Variants in MUSK observed in about 807,000 individuals in gnomAD.
The protein encoded by MUSK is muscle, skeletal receptor tyrosine-protein kinase.
Under a neutral mutation model 88.7 loss-of-function variants are expected in MUSK, and 55 were observed. The observed-to-expected ratio is 0.62, with a 90% CI of 0.50 to 0.78. MUSK has a LOEUF of 0.78. MUSK is among the 30% of genes least tolerant of loss of function. The probability of loss-of-function intolerance (pLI) is 0.00; values close to 1 mark genes in which losing one functional copy is unlikely to be tolerated. For synonymous variants in MUSK, 387 were observed against 391.9 expected (o/e 0.99, Z 0.15); for missense variants, 1,015 against 1,074.3 (o/e 0.94, Z 0.77).
chr9:110,770,134 T>C (rs1211808517), intron 9 of MUSK, among the ~76,000 whole-genome samples: 4 of 151,774 alleles, frequency 2.6e-5, no homozygotes, highest in Non-Finnish European at 5.9e-5. Flanking sequence ...TTAATTACTG[T>C]CTTTATAATT....
intron 3 of MUSK, among the ~76,000 whole-genome samples, chr9:110,689,561 T>TTATATA (rs1564217404): frequency 3.9e-4 from 22 of 55,850 alleles, no homozygotes; most frequent in African/African-American, 2.1e-3. Context: ...ATTTATATAT[T>TTATATA]ATATATATTT....
chr9:110,741,643 T>C (rs2077100187), intron 6 of MUSK, among the ~76,000 whole-genome samples: 1 of 152,230 alleles, frequency 6.6e-6, no homozygotes, highest in Non-Finnish European at 1.5e-5. Context: ...TCACTATTGT[T>C]TTCGCTGAAG....
At chr9:110,730,008 A>T (rs2076942758) in intron 5 of MUSK, among the ~76,000 whole-genome samples, 1 of 152,186 alleles carries the variant, frequency 6.6e-6, no homozygotes, top group Admixed American at 6.5e-5. Flanking sequence ...ACATATCTGA[A>T]AGTGCTTTGA....
rs1203398580 is a variant in MUSK, at chr9:110,681,056, ATT to A, written c.80-1617_80-1616del. Among the ~76,000 whole-genome samples, 6 of 25,376 alleles carry A rather than the reference ATT, an allele frequency of 2.4e-4. 1 individual carries two copies. In the East Asian group the frequency reaches 3.7e-3, roughly 16 times the overall value. 16.6% of individuals were successfully genotyped at this position (25,376 alleles called of 152,430 possible). A position where few individuals can be genotyped will look rare whatever the true frequency, so the allele number is the denominator to read the frequency against. Reference sequence around the variant, plus strand: ...ATATATTATATAATATATATTATATATTATATATATAATATTATATATATTAT... The same window carrying A: ...ATATATTATATAATATATATTATATAATATATATAATATTATATATATTAT... On this transcript the variant is annotated intron_variant, in intron 1 of 14. Transcript: ENST00000374448.
chr9:110,787,938 T>A, intron 14 of MUSK, 100 bp downstream of exon 14: 1 of 1,345,862 alleles, frequency 7.4e-7, no homozygotes, highest in Non-Finnish European at 1.0e-6. Context: ...CCTTGATCAG[T>A]GAGACGTTTC....
At chr9:110,724,736 A>G (rs571004827) in intron 5 of MUSK, among the ~76,000 whole-genome samples, 25 of 152,100 alleles carry the variant, frequency 1.6e-4, no homozygotes, top group African/African-American at 5.8e-4. Flanking sequence ...GTAGCAAAAA[A>G]TTATATCTTC....
In MUSK at chr9:110,690,031, A is replaced by G. The variant is rs572936148; in HGVS notation, c.358+2763A>G. The stretch of plus-strand genomic sequence containing the variant: ...TATAAATATATAATATATATTATAT[A>G]TTAATATAAGTATAAATATATAAAT... On this transcript the variant is annotated intron_variant, in intron 3 of 14. Transcript: ENST00000374448. Among the ~76,000 whole-genome samples the G allele has an allele frequency of 8.2e-3, 776 of 94,822 alleles. 10 individuals are homozygous for G. The highest frequency in any genetic ancestry group is 0.041 in the Middle Eastern group (3 of 74). 62.2% of individuals were successfully genotyped at this position (94,822 alleles called of 152,430 possible).
chr9:110,731,022 T>C (rs1057247027), intron 5 of MUSK, among the ~76,000 whole-genome samples: 3 of 152,104 alleles, frequency 2.0e-5, no homozygotes, highest in African/African-American at 7.2e-5. Context: ...TAGCTCAGAA[T>C]AGGATTGAGA....
At chr9:110,670,462 C>T (rs942701121) in intron 1 of MUSK, among the ~76,000 whole-genome samples, 1 of 152,056 alleles carries the variant, frequency 6.6e-6, no homozygotes, top group Non-Finnish European at 1.5e-5. Context: ...TTTGATGATT[C>T]AAATAAGGAT....
At chr9:110,718,254 T>C (rs779300425) in intron 5 of MUSK, among the ~76,000 whole-genome samples, 21 of 151,838 alleles carry the variant, frequency 1.4e-4, no homozygotes, top group Admixed American at 2.6e-4. Flanking sequence ...CAAGGAGGAG[T>C]TAGTAATGTT....
chr9:110,725,670 A>G (rs1285627525), intron 5 of MUSK, among the ~76,000 whole-genome samples: 13 of 152,020 alleles, frequency 8.6e-5, no homozygotes, highest in Admixed American at 7.2e-4. Flanking sequence ...TCTTCTTTCT[A>G]CAAGAGACTG....
chr9:110,714,800 A>AT (rs2076724416), intron 5 of MUSK, among the ~76,000 whole-genome samples: 1 of 152,160 alleles, frequency 6.6e-6, no homozygotes. Context: ...AATTTAACCC[A>AT]TTTTGTTCTT....
chr9:110,763,563 T>G (rs1217531608), intron 8 of MUSK, among the ~76,000 whole-genome samples: 1 of 152,128 alleles, frequency 6.6e-6, no homozygotes, highest in Non-Finnish European at 1.5e-5. Context: ...ACAGTTCCCG[T>G]TTGCTTTGAA....
chr9:110,767,544 A>G (rs574216860), intron 8 of MUSK, among the ~76,000 whole-genome samples: 1 of 152,328 alleles, frequency 6.6e-6, no homozygotes, highest in South Asian at 2.1e-4. Flanking sequence ...TAAAATATTA[A>G]AAATACCCAA....
intron 13 of MUSK, among the ~76,000 whole-genome samples, chr9:110,786,707 C>T (rs1178406093): frequency 6.6e-6 from 1 of 151,980 alleles, no homozygotes; most frequent in Admixed American, 6.5e-5. Flanking sequence ...AAAAAATGAG[C>T]TCAAGAAAGG....
At chr9:110,689,693 T>TTA (rs1231193969) in intron 3 of MUSK, among the ~76,000 whole-genome samples, 5 of 50,198 alleles carry the variant, frequency 1.0e-4, no homozygotes, top group Non-Finnish European at 1.6e-4. Context: ...CTATATATAG[T>TTA]TATATATAAA....
intron 3 of MUSK, among the ~76,000 whole-genome samples, chr9:110,694,074 A>G (rs2076393649): frequency 6.6e-6 from 1 of 151,996 alleles, no homozygotes; most frequent in South Asian, 2.1e-4. Flanking sequence ...ACTCTAAATG[A>G]CAGTGAATGC....
chr9:110,739,696 C>T lies in MUSK; in HGVS notation c.753+5321C>T, dbSNP rs547015832. Among the ~76,000 whole-genome samples the T allele has an allele frequency of 1.6e-3, 240 of 152,140 alleles. 1 individual carries two copies. The highest frequency in any genetic ancestry group is 1.2e-3 in the Non-Finnish European group (81 of 68,024). On this transcript the variant is annotated intron_variant, in intron 6 of 14. Coordinates refer to ENST00000374448, the MANE Select transcript of MUSK (RefSeq NM_005592.4). ...CCTCGAGCCCATTGAGTTAGCCCTT[C>T]AACTTTTTACTGCACAGCAGTAAAA...
rs1367971909 is a variant in MUSK, at chr9:110,681,009, TATATA to T, written c.80-1659_80-1655del. Reference sequence around the variant, plus strand: ...ATGATCCTTATAATATATTATATTATATATAATATATATTATATATTATATATTAT... The same window carrying T: ...ATGATCCTTATAATATATTATATTATATATATATTATATATTATATATTAT... On this transcript the variant is annotated intron_variant, in intron 1 of 14. Transcript: ENST00000374448. Among the ~76,000 whole-genome samples the T allele has an allele frequency of 1.7e-4, 6 of 36,110 alleles. 1 individual carries two copies. The highest frequency in any genetic ancestry group is 7.3e-4 in the African/African-American group (4 of 5,500). 23.7% of individuals were successfully genotyped at this position (36,110 alleles called of 152,430 possible).
Sources: gnomAD v4.1 joint callset for allele counts (sites outside exome capture counted in the v4.1 genomes callset) on GRCh38, gnomAD v4.1.1 for gene constraint, MANE v1.5 for transcripts, NCBI Gene and HGNC (gene_info 2026-07-23, HGNC 2026-07-21) for gene names.